Variants in CARD19 observed in about 807,000 individuals in gnomAD.
The protein encoded by CARD19 is caspase recruitment domain family member 19.
In CARD19, 25 loss-of-function variants were observed where a neutral mutation model predicts 24.1. The observed-to-expected ratio is 1.04, with a 90% confidence interval of 0.76 to 1.45. The LOEUF is 1.45. Ranked by LOEUF, CARD19 falls within the 40% of genes most tolerant of loss-of-function variation. The pLI, the probability that CARD19 is intolerant of heterozygous loss-of-function variation, is 0.00. For missense variants in CARD19, 241 were observed against 247.4 expected, an observed-to-expected ratio of 0.97 and a Z score of 0.17; for synonymous variants, 103 against 104.9, an observed-to-expected ratio of 0.98 and a Z score of 0.11.
Position 93,113,069 on chromosome 9 carries a change from C to T in CARD19, c.514C>T (p.Leu172=), listed in dbSNP as rs1227782625. ...VIIDRHVSRY[L]LAFLADDLGG... ...CATCGACAGACATGTCAGCCGCTAC[C>T]TGCTGGCCTTCCTGGCAGATGACCT... Residue 172 remains leucine, a synonymous_variant, in exon 6 of 6, where the codon CTG becomes TTG. Transcript: ENST00000375464. The T allele has an allele frequency of 1.0e-5, 16 of 1,598,700 alleles. No homozygotes were observed. Among genetic ancestry groups the T allele is most frequent in the African/African-American group, 1.3e-5 (1 of 74,886 alleles).
intron 1 of CARD19, among the ~76,000 whole-genome samples, chr9:93,106,567 C>CA (rs1194901681): frequency 0.022 from 2,282 of 102,486 alleles, 61 homozygotes; most frequent in African/African-American, 0.11. Context: ...GACTCTATCT[C>CA]AAAAAAAAAC....
rs1482277415 is a variant in CARD19 at position 93,096,270 on chromosome 9, C to G, written c.-76C>G. The G allele has an allele frequency of 8.2e-7, 1 of 1,216,962 alleles. No homozygotes were observed. The highest frequency in any genetic ancestry group is 1.6e-5 in the African/African-American group (1 of 63,838). The allele number at this position is 1,216,962 out of a possible 1,614,324, so 75.4% of individuals were successfully genotyped here. A position where few individuals can be genotyped will look rare whatever the true frequency, so the allele number is the denominator to read the frequency against. On this transcript the variant is annotated 5_prime_UTR_variant, in exon 1 of 6. Transcript: ENST00000375464. The surrounding 1 kb of genome is among the most constrained non-coding windows in gnomAD (Gnocchi z 5.4). ...GGCGGCGTTCGCTGGAGCTGGTGGA[C>G]CGGGCGGCTGACCGAGGGGCGGACG...
intron 4 of CARD19, 86 bp from the exon 5 acceptor site, chr9:93,112,132 C>A (rs1189378222): frequency 7.1e-7 from 1 of 1,417,474 alleles, no homozygotes. Flanking sequence ...AGCCTGGCAC[C>A]CCCACTCCCC....
chr9:93,109,573 C>T (rs1367781954), intron 2 of CARD19, among the ~76,000 whole-genome samples: 12 of 151,580 alleles, frequency 7.9e-5, no homozygotes, highest in African/African-American at 4.8e-5. Flanking sequence ...TTCAAGCAAT[C>T]CTCTGGCCTC....
chr9:93,107,738 T>C lies in CARD19; in HGVS notation c.72T>C (p.Ser24=), dbSNP rs757386400. ...TCCTGACAGGCCATGGGCGCTTGAGTGAGCAGCAGGTGGACAGGATCATCC... is the reference window on the plus strand; with the variant it reads ...TCCTGACAGGCCATGGGCGCTTGAGCGAGCAGCAGGTGGACAGGATCATCC... ...TPFLTGHGRL[S]EQQVDRIILQ... The change falls in exon 2 of 6, where the codon AGT becomes AGC. Residue 24 remains serine, a synonymous_variant. Coordinates refer to ENST00000375464, the MANE Select transcript of CARD19 (RefSeq NM_032310.5). 1.9e-5 allele frequency: 31 copies of C among 1,614,152 alleles called. No homozygotes were observed. The East Asian group carries it at 6.0e-4, about 31-fold the overall frequency.
chr9:93,111,640 A>G, intron 3 of CARD19: 1 of 1,374,738 alleles, frequency 7.3e-7, no homozygotes, highest in Non-Finnish European at 9.4e-7. Flanking sequence ...CCTTGGCCCC[A>G]CTGGAGGTAG....
At chr9:93,112,940 A>C in intron 5 of CARD19, 52 bp from the exon 6 acceptor site, 1 of 1,318,898 alleles carries the variant, frequency 7.6e-7, no homozygotes, top group Non-Finnish European at 1.1e-6. Flanking sequence ...GAAACACAGA[A>C]TTCACCTCTG....
At chr9:93,107,382 T>C (rs1302932294) in intron 1 of CARD19, among the ~76,000 whole-genome samples, 2 of 152,244 alleles carry the variant, frequency 1.3e-5, no homozygotes, top group African/African-American at 4.8e-5. Flanking sequence ...CCATGAAAAG[T>C]AGATTCTTCG....
chr9:93,098,227 C>T (rs761692948), intron 1 of CARD19, among the ~76,000 whole-genome samples: 1 of 152,188 alleles, frequency 6.6e-6, no homozygotes, highest in Non-Finnish European at 1.5e-5. Flanking sequence ...TGTCTGGACT[C>T]CAGTTGGTTG....
At chr9:93,111,659 C>G in intron 3 of CARD19, 1 of 1,386,226 alleles carries the variant, frequency 7.2e-7, no homozygotes, top group East Asian at 2.6e-5. Flanking sequence ...AGAGCACCTT[C>G]TGTGGCTCCC....
chr9:93,103,921 C>T (rs2119077342), intron 1 of CARD19, among the ~76,000 whole-genome samples: 1 of 152,342 alleles, frequency 6.6e-6, no homozygotes, highest in Non-Finnish European at 1.5e-5. Context: ...GGTTCTATCT[C>T]TCAGTACTGT....
intron 1 of CARD19, among the ~76,000 whole-genome samples, chr9:93,101,257 T>C (rs1827069414): frequency 1.3e-5 from 2 of 152,102 alleles, no homozygotes; most frequent in South Asian, 4.1e-4. Context: ...TTTTGTATTT[T>C]TAGTAGAGAC....
At chr9:93,112,102 G>T (rs949147016) in intron 4 of CARD19, 116 bp from the exon 5 acceptor site, 205 of 1,336,460 alleles carry the variant, frequency 1.5e-4, no homozygotes, top group Non-Finnish European at 2.1e-4. Context: ...CTCGTTTGGG[G>T]GCTCTTCAGG....
intron 4 of CARD19, 67 bp downstream of exon 4, chr9:93,112,005 G>T: frequency 1.3e-6 from 2 of 1,550,640 alleles, no homozygotes; most frequent in Non-Finnish European, 1.7e-6. Context: ...CCTCCCCAGG[G>T]CTCCATCTCC....
At chr9:93,105,532 T>C (rs1827223743) in intron 1 of CARD19, among the ~76,000 whole-genome samples, 1 of 152,170 alleles carries the variant, frequency 6.6e-6, no homozygotes, top group Admixed American at 6.6e-5. Context: ...CTGCCTGCCT[T>C]AGCTTCCCAA....
rs1827322064 is a variant in CARD19, at chr9:93,107,788, A to G, written c.122A>G (p.Gln41Arg). ...CTCCAGCTGAACCGTTACTACCCAC[A>G]GATCCTTACCAACAAGGAGGCGGAA... Reference protein sequence around the residue: ...IILQLNRYYPQILTNKEAEKF... With the variant: ...IILQLNRYYPRILTNKEAEKF... The change falls in exon 2 of 6, where the codon CAG becomes CGG. Residue 41 changes from glutamine to arginine, a missense_variant. By Grantham distance (43) the Gln-to-Arg change is conservative. Coordinates refer to ENST00000375464, the MANE Select transcript of CARD19 (RefSeq NM_032310.5). 4.3e-6 allele frequency: 7 copies of G among 1,614,234 alleles called. No individual in the cohort carries two copies. The highest frequency in any genetic ancestry group is 5.9e-6 in the Non-Finnish European group (7 of 1,180,036).
Position 93,113,027 on chromosome 9 carries a change from G to A in CARD19, c.472G>A (p.Gly158Ser), listed in dbSNP as rs751585995. The A allele has an allele frequency of 4.7e-5, 76 of 1,609,358 alleles. No homozygotes were observed. The highest frequency in any genetic ancestry group is 4.0e-4 in the East Asian group (18 of 44,786). ...CCTGCCAGGGACCCGGCGCGTCCTC[G>A]GTTTCTCGCCTGTCATCATCGACAG... is the stretch of plus-strand genomic sequence containing the variant. ...KGLPGTRRVL[G>S]FSPVIIDRHV... is the part of the protein sequence containing the mutation. The change falls in exon 6 of 6, where the codon GGT becomes AGT. Residue 158 changes from glycine (G) to serine (S), a missense_variant. Transcript: ENST00000375464.
At chr9:93,104,196 T>C (rs1201424612) in intron 1 of CARD19, among the ~76,000 whole-genome samples, 3 of 152,386 alleles carry the variant, frequency 2.0e-5, no homozygotes, top group African/African-American at 7.2e-5. Context: ...AATATGCTGC[T>C]GAATTTGATT....
At chr9:93,112,862 C>G (rs886501419) in intron 5 of CARD19, 130 bp from the exon 6 acceptor site, 4 of 616,950 alleles carry the variant, frequency 6.5e-6, no homozygotes, top group African/African-American at 1.9e-5. Flanking sequence ...CAACTCAAGC[C>G]GAGACCATGA....
Sources: gnomAD v4.1 joint callset for allele counts (sites outside exome capture counted in the v4.1 genomes callset) on GRCh38, gnomAD v4.1.1 for gene constraint, Gnocchi (gnomAD v3.1) non-coding constraint, MANE v1.5 for transcripts, NCBI Gene and HGNC (gene_info 2026-07-23, HGNC 2026-07-21) for gene names.